Variants in POM121C observed in about 807,000 individuals in gnomAD.
The protein encoded by POM121C is POM121 transmembrane nucleoporin C.
POM121C carries 20 observed loss-of-function variants against 66.4 expected under a neutral mutation model. The observed-to-expected ratio is 0.30, with a 90% confidence interval of 0.21 to 0.44. The LOEUF (loss-of-function observed/expected upper bound fraction) is 0.44. Ranked by LOEUF, POM121C falls within the 20% of genes least tolerant of loss-of-function variation. The pLI is 1.00. For missense variants in POM121C, 580 were observed against 1,225.7 expected, an observed-to-expected ratio of 0.47 and a Z score of 7.87; for synonymous variants, 286 against 528.0, an observed-to-expected ratio of 0.54 and a Z score of 6.28.
chr7:75,439,590 T>C (rs1205516278), intron 5 of POM121C, among the ~76,000 whole-genome samples: 1 of 152,202 alleles, frequency 6.6e-6, no homozygotes. Context: ...CTCCCTATGT[T>C]GCCCAGGCTG....
At chr7:75,427,764 T>C (rs1297508790) in intron 7 of POM121C, among the ~76,000 whole-genome samples, 1 of 152,094 alleles carries the variant, frequency 6.6e-6, no homozygotes, top group Non-Finnish European at 1.5e-5. Flanking sequence ...ATCATATAAG[T>C]ACAAACAGGA....
chr7:75,455,672 T>A (rs1293779246), intron 3 of POM121C, among the ~76,000 whole-genome samples: 1 of 151,580 alleles, frequency 6.6e-6, no homozygotes, highest in South Asian at 2.1e-4. Context: ...CCCAAACATA[T>A]GGCCACCCTC....
intron 7 of POM121C, among the ~76,000 whole-genome samples, chr7:75,432,734 T>C (rs1361194906): frequency 6.6e-6 from 1 of 152,160 alleles, no homozygotes. Flanking sequence ...AAGATGCTTT[T>C]TAAAAAGCAA....
intron 3 of POM121C, among the ~76,000 whole-genome samples, chr7:75,459,660 A>G (rs1247506392): frequency 6.8e-6 from 1 of 147,226 alleles, no homozygotes; most frequent in African/African-American, 2.5e-5. Context: ...TTTTTTTCAG[A>G]AGAAAAAGTA....
chr7:75,419,503 G>C, intron 13 of POM121C, 61 bp from the exon 14 acceptor site: 1 of 1,590,016 alleles, frequency 6.3e-7, no homozygotes, highest in South Asian at 1.1e-5. Flanking sequence ...GCGAGGAGCC[G>C]GGCAGGAGCC....
At chr7:75,472,802 A>C (rs1476295976) in intron 3 of POM121C, among the ~76,000 whole-genome samples, 3 of 150,980 alleles carry the variant, frequency 2.0e-5, no homozygotes, top group Non-Finnish European at 4.4e-5. Flanking sequence ...GCGAGACACT[A>C]TCTCAAAATG....
chr7:75,478,567 A>G (rs1175262100), intron 1 of POM121C, among the ~76,000 whole-genome samples: 1 of 151,654 alleles, frequency 6.6e-6, no homozygotes, highest in Admixed American at 6.6e-5. Flanking sequence ...GTTCAAAAAA[A>G]TCAAGACAGG....
chr7:75,480,627 T>A (rs1207808450), intron 1 of POM121C, among the ~76,000 whole-genome samples: 2 of 152,018 alleles, frequency 1.3e-5, no homozygotes, highest in Admixed American at 6.6e-5. Flanking sequence ...CAGACAAAAA[T>A]TCACAGTCTA....
At chr7:75,483,709 T>A (rs1792400719) in intron 1 of POM121C, among the ~76,000 whole-genome samples, 1 of 152,180 alleles carries the variant, frequency 6.6e-6, no homozygotes, top group East Asian at 1.9e-4. Context: ...TAAAATATAC[T>A]ACCCATACAT....
intron 6 of POM121C, among the ~76,000 whole-genome samples, chr7:75,437,984 A>C (rs2116396923): frequency 6.6e-6 from 1 of 152,326 alleles, no homozygotes; most frequent in South Asian, 2.1e-4. Context: ...GATTACAGGC[A>C]TGTGGGAACT....
At chr7:75,463,775 C>G (rs1207940723) in intron 3 of POM121C, among the ~76,000 whole-genome samples, 5 of 152,070 alleles carry the variant, frequency 3.3e-5, no homozygotes, top group African/African-American at 9.7e-5. Flanking sequence ...TCACTGCAAC[C>G]TCCACCTCCC....
chr7:75,443,120 C>T (rs1250421831), intron 3 of POM121C, among the ~76,000 whole-genome samples: 2 of 152,002 alleles, frequency 1.3e-5, no homozygotes, highest in Admixed American at 6.6e-5. Context: ...GCTGAGTTTT[C>T]CCCCCCACTT....
intron 1 of POM121C, among the ~76,000 whole-genome samples, chr7:75,483,357 G>C (rs1448814475): frequency 1.3e-5 from 2 of 152,096 alleles, no homozygotes; most frequent in Non-Finnish European, 2.9e-5. Flanking sequence ...CAATGCAAAC[G>C]ATGTCATGGA....
intron 7 of POM121C, among the ~76,000 whole-genome samples, chr7:75,432,254 G>A (rs1385454059): frequency 3.3e-5 from 5 of 149,542 alleles, no homozygotes; most frequent in East Asian, 2.0e-4. Flanking sequence ...TATGTATACC[G>A]AAAGACTTAG....
chr7:75,462,916 A>G lies in POM121C; in HGVS notation c.-152+11788T>C, dbSNP rs1448656941. Among the ~76,000 whole-genome samples the G allele has an allele frequency of 3.3e-5, 5 of 152,118 alleles. 1 individual carries two copies. Among genetic ancestry groups the G allele is most frequent in the African/African-American group, 1.2e-4 (5 of 41,396 alleles). On this transcript the variant is annotated intron_variant, in intron 3 of 14. Transcript: ENST00000615331. Reference sequence around the variant, plus strand: ...CTATGGAATTTCAGTAGCCATGCACATGCTGAGTGCAGAGCACATTCTCAG... The same window carrying G: ...CTATGGAATTTCAGTAGCCATGCACGTGCTGAGTGCAGAGCACATTCTCAG...
At chr7:75,450,453 C>G (rs1221088490) in intron 3 of POM121C, among the ~76,000 whole-genome samples, 1 of 152,200 alleles carries the variant, frequency 6.6e-6, no homozygotes, top group Non-Finnish European at 1.5e-5. Flanking sequence ...GATGCTTGCT[C>G]AGAAACACCT....
At chr7:75,477,183 G>A (rs1446521716) in intron 1 of POM121C, among the ~76,000 whole-genome samples, 1 of 150,794 alleles carries the variant, frequency 6.6e-6, no homozygotes, top group Non-Finnish European at 1.5e-5. Flanking sequence ...TTACTTAACA[G>A]GGAAAAACTA....
intron 3 of POM121C, among the ~76,000 whole-genome samples, chr7:75,466,716 TA>T (rs1791664585): frequency 6.9e-6 from 1 of 144,098 alleles, no homozygotes; most frequent in South Asian, 2.2e-4. Flanking sequence ...AAAGATCAAT[TA>T]AAAATAAGAA....
chr7:75,429,230 A>G (rs1278416470), intron 7 of POM121C, among the ~76,000 whole-genome samples: 3 of 152,244 alleles, frequency 2.0e-5, no homozygotes, highest in Admixed American at 6.5e-5. Flanking sequence ...CTAAAATCCT[A>G]AAGAACATAC....
Sources: gnomAD v4.1 joint callset for allele counts (sites outside exome capture counted in the v4.1 genomes callset) on GRCh38, gnomAD v4.1.1 for gene constraint, MANE v1.5 for transcripts, NCBI Gene and HGNC (gene_info 2026-07-23, HGNC 2026-07-21) for gene names.